ANKS1B: variants seen among roughly 807,000 people sequenced by gnomAD.
The protein encoded by ANKS1B is ankyrin repeat and sterile alpha motif domain containing 1B.
ANKS1B carries 36 observed loss-of-function variants against 148.3 expected under a neutral mutation model. That is an observed-to-expected ratio of 0.24 (90% CI 0.19 to 0.32). ANKS1B has a LOEUF of 0.32. Among genes scored for constraint, ANKS1B ranks in the 10% least tolerant of loss-of-function variants. The probability of loss-of-function intolerance (pLI) is 1.00; values close to 1 mark genes in which losing one functional copy is unlikely to be tolerated. For synonymous variants in ANKS1B, 542 were observed against 560.8 expected (o/e 0.97, Z 0.47); for missense variants, 1,157 against 1,542.6 (o/e 0.75, Z 4.19).
chr12:99,984,919 C>G lies in ANKS1B; in HGVS notation c.-682G>C, dbSNP rs1360160565. ...GGCAGGTGCGGCCCCTGGTGCGGCCCGAGTTGGGTGGCGGGCTGGCGGGGA... is the reference window on the plus strand; with the variant it reads ...GGCAGGTGCGGCCCCTGGTGCGGCCGGAGTTGGGTGGCGGGCTGGCGGGGA... On this transcript the variant is annotated 5_prime_UTR_variant, in exon 1 of 27. Coordinates refer to ENST00000683438, the MANE Select transcript of ANKS1B (RefSeq NM_001352186.2). 1.3e-5 allele frequency among the ~76,000 whole-genome samples: 2 copies of G among 150,376 alleles called. No individual in the cohort carries two copies. Among genetic ancestry groups the G allele is most frequent in the Non-Finnish European group, 3.0e-5 (2 of 67,492 alleles).
At chr12:98,737,669 GA>G (rs748848388) in intron 9 of ANKS1B, among the ~76,000 whole-genome samples, 10 of 152,314 alleles carry the variant, frequency 6.6e-5, no homozygotes, top group Admixed American at 2.0e-4. Flanking sequence ...AGGATATCAT[GA>G]GGCTGTCAAA....
intron 12 of ANKS1B, among the ~76,000 whole-genome samples, chr12:99,315,590 T>C (rs2083926282): frequency 6.6e-6 from 1 of 152,192 alleles, no homozygotes; most frequent in Admixed American, 6.6e-5. Flanking sequence ...ATAATTCACA[T>C]AACATAAAAT....
At chr12:98,837,206 G>A (rs978558129) in intron 17 of ANKS1B, among the ~76,000 whole-genome samples, 19 of 151,752 alleles carry the variant, frequency 1.3e-4, no homozygotes, top group African/African-American at 3.4e-4. Flanking sequence ...GCATGGTGGC[G>A]CACGCCTGTA....
At chr12:99,723,858 T>C (rs1297080571) in intron 8 of ANKS1B, among the ~76,000 whole-genome samples, 1 of 151,972 alleles carries the variant, frequency 6.6e-6, no homozygotes, top group East Asian at 1.9e-4. Context: ...GCGAGCCAGA[T>C]GAATAGTGCC....
intron 8 of ANKS1B, among the ~76,000 whole-genome samples, chr12:99,752,510 T>C (rs2061202139): frequency 6.6e-6 from 1 of 151,398 alleles, no homozygotes; most frequent in African/African-American, 2.4e-5. Context: ...ACTAAAGCAA[T>C]GAAGAAAAAT....
At chr12:98,928,290 A>C (rs1480132020) in intron 17 of ANKS1B, among the ~76,000 whole-genome samples, 1 of 129,672 alleles carries the variant, frequency 7.7e-6, no homozygotes, top group Non-Finnish European at 1.6e-5. Flanking sequence ...TTCGTAATTA[A>C]AAAAAAAAAA....
At chr12:99,240,408 T>A (rs1399355523) in intron 14 of ANKS1B, among the ~76,000 whole-genome samples, 2 of 152,138 alleles carry the variant, frequency 1.3e-5, no homozygotes, top group African/African-American at 4.8e-5. Flanking sequence ...ACCAGAATCA[T>A]AAAGCAAGTC....
chr12:98,823,699 C>T (rs2099220850), intron 19 of ANKS1B, among the ~76,000 whole-genome samples: 1 of 152,248 alleles, frequency 6.6e-6, no homozygotes, highest in Non-Finnish European at 1.5e-5. Flanking sequence ...GCCATGTTGG[C>T]CAGGCTGGTC....
rs561528407 is a variant in ANKS1B at position 99,755,002 on chromosome 12, G to A, written c.1128+17920C>T. ...AGTACAAAACATAACCAAAATCAGA[G>A]CTGAATTTAAGGAGATTGAGACACG... On this transcript the variant is annotated intron_variant, in intron 8 of 26. Coordinates refer to ENST00000683438, the MANE Select transcript of ANKS1B (RefSeq NM_001352186.2). Among the ~76,000 whole-genome samples the A allele has an allele frequency of 1.0e-3, 152 of 151,738 alleles. No homozygotes were observed. In the Middle Eastern group the frequency reaches 0.02, roughly 20 times the overall value.
At chr12:99,229,276 G>C (rs939379420) in intron 14 of ANKS1B, among the ~76,000 whole-genome samples, 1 of 151,478 alleles carries the variant, frequency 6.6e-6, no homozygotes, top group Non-Finnish European at 1.5e-5. Context: ...TTTTAAATTA[G>C]GTGTTTAACA....
chr12:98,915,642 C>T (rs189729003), intron 17 of ANKS1B, among the ~76,000 whole-genome samples: 2 of 152,142 alleles, frequency 1.3e-5, no homozygotes, highest in African/African-American at 2.4e-5. Flanking sequence ...CATGAGCCAT[C>T]GTGCCTGGCC....
At chr12:99,371,750 C>G (rs576118126) in intron 12 of ANKS1B, among the ~76,000 whole-genome samples, 1 of 152,112 alleles carries the variant, frequency 6.6e-6, no homozygotes, top group Admixed American at 6.5e-5. Context: ...TAGTTAAGCT[C>G]TAATTATTAA....
At chr12:99,385,606 C>A (rs2093828444) in intron 12 of ANKS1B, among the ~76,000 whole-genome samples, 1 of 152,178 alleles carries the variant, frequency 6.6e-6, no homozygotes, top group South Asian at 2.1e-4. Flanking sequence ...AAGGCAACCT[C>A]AGGGAACAAA....
intron 12 of ANKS1B, among the ~76,000 whole-genome samples, chr12:99,247,361 T>C (rs1057130616): frequency 2.6e-5 from 4 of 152,198 alleles, no homozygotes; most frequent in African/African-American, 9.7e-5. Flanking sequence ...TTATTAAAAG[T>C]AATTGAAGTT....
chr12:98,741,255 TACAA>T (rs1305947767), downstream of ANKS1B, among the ~76,000 whole-genome samples: 1 of 152,122 alleles, frequency 6.6e-6, no homozygotes, highest in Non-Finnish European at 1.5e-5. Flanking sequence ...TCACCCCAGC[TACAA>T]ACACTCTTTC....
chr12:99,568,668 T>C (rs931845152), intron 9 of ANKS1B, among the ~76,000 whole-genome samples: 12 of 152,222 alleles, frequency 7.9e-5, no homozygotes, highest in Admixed American at 2.6e-4. Flanking sequence ...AGGTGTTAGA[T>C]TGAACAAATT....
intron 9 of ANKS1B, among the ~76,000 whole-genome samples, chr12:99,519,353 C>G (rs569027314): frequency 1.3e-4 from 20 of 152,232 alleles, no homozygotes; most frequent in African/African-American, 4.3e-4. Context: ...TAAGGCCTAT[C>G]TGTCTCTTTA....
At chr12:99,162,910 T>C (rs1274035839) in intron 14 of ANKS1B, among the ~76,000 whole-genome samples, 1 of 152,084 alleles carries the variant, frequency 6.6e-6, no homozygotes, top group Non-Finnish European at 1.5e-5. Context: ...ATACAAAAAT[T>C]AGCCGGACAT....
chr12:99,518,854 A>G (rs2096847894), intron 9 of ANKS1B, among the ~76,000 whole-genome samples: 1 of 152,012 alleles, frequency 6.6e-6, no homozygotes, highest in Non-Finnish European at 1.5e-5. Flanking sequence ...TTTGATGTAG[A>G]CACTTATAGG....
Sources: gnomAD v4.1 joint callset for allele counts (sites outside exome capture counted in the v4.1 genomes callset) on GRCh38, gnomAD v4.1.1 for gene constraint, MANE v1.5 for transcripts, NCBI Gene and HGNC (gene_info 2026-07-23, HGNC 2026-07-21) for gene names.